Variants in SKAP2 observed in about 807,000 individuals in gnomAD.
SKAP2 encodes the protein src kinase-associated phosphoprotein 2.
Under a neutral mutation model 54.9 loss-of-function variants are expected in SKAP2, and 28 were observed. The ratio of observed to expected loss-of-function variants is 0.51; its 90% confidence interval spans 0.38 to 0.70. The LOEUF (loss-of-function observed/expected upper bound fraction) is 0.70. Among genes scored for constraint, SKAP2 ranks in the 30% least tolerant of loss-of-function variants. SKAP2 has a pLI of 0.00. For missense variants in SKAP2, 356 were observed against 424.1 expected, an observed-to-expected ratio of 0.84 and a Z score of 1.41; for synonymous variants, 137 against 134.3, an observed-to-expected ratio of 1.02 and a Z score of -0.14.
intron 11 of SKAP2, among the ~76,000 whole-genome samples, chr7:26,673,676 CAGTAATCCGAGAAAATAAT>C (rs1786289091): frequency 6.6e-6 from 1 of 152,022 alleles, no homozygotes; most frequent in African/African-American, 2.4e-5. Flanking sequence ...CAAACTTGCC[CAGTAATCCGAGAAAATAAT>C]AGTAAGGCGG....
intron 4 of SKAP2, among the ~76,000 whole-genome samples, chr7:26,797,610 C>T (rs1480807682): frequency 6.6e-6 from 1 of 151,978 alleles, no homozygotes; most frequent in Non-Finnish European, 1.5e-5. Flanking sequence ...CAACAAATGG[C>T]CAGATACTGA....
At chr7:26,850,248 A>T (rs997024558) in intron 3 of SKAP2, among the ~76,000 whole-genome samples, 3 of 152,170 alleles carry the variant, frequency 2.0e-5, no homozygotes, top group Non-Finnish European at 4.4e-5. Context: ...TTATAATATG[A>T]GGCAATATTG....
chr7:26,847,912 A>C (rs1022440502), intron 3 of SKAP2: 5 of 152,214 alleles, frequency 3.3e-5, no homozygotes, highest in African/African-American at 1.2e-4. Flanking sequence ...TCCCTAGAAA[A>C]GCATTTGATT....
In SKAP2 at chr7:26,797,714, T is replaced by C. The variant is rs893496665; in HGVS notation, c.307+46316A>G. Among the ~76,000 whole-genome samples the C allele has an allele frequency of 2.6e-5, 4 of 152,150 alleles. No individual in the cohort carries two copies. The East Asian group carries it at 7.7e-4, about 29-fold the overall frequency. ...AGGGACCAATCCTGGAGAAACACAG[T>C]TATGTGACCTTTCAGACAGAAAATT... is the stretch of plus-strand genomic sequence containing the variant. On this transcript the variant is annotated intron_variant, in intron 4 of 12. Coordinates refer to ENST00000345317, the MANE Select transcript of SKAP2 (RefSeq NM_003930.5).
At chr7:26,843,658 A>C (rs139571649) in intron 4 of SKAP2, among the ~76,000 whole-genome samples, 186 of 152,094 alleles carry the variant, frequency 1.2e-3, no homozygotes, top group Admixed American at 3.5e-3. Context: ...TCAGAAAAAA[A>C]TAGATCAAAA....
At chr7:26,795,156 G>C (rs546069784) in intron 4 of SKAP2, among the ~76,000 whole-genome samples, 4 of 152,302 alleles carry the variant, frequency 2.6e-5, no homozygotes, top group African/African-American at 9.6e-5. Flanking sequence ...TTGCTACACA[G>C]TATTTGCTTC....
chr7:26,820,325 A>C (rs1054517949), intron 4 of SKAP2, among the ~76,000 whole-genome samples: 1 of 152,226 alleles, frequency 6.6e-6, no homozygotes, highest in Non-Finnish European at 1.5e-5. Context: ...ATTTAAAATG[A>C]AGCTTTATTT....
intron 4 of SKAP2, among the ~76,000 whole-genome samples, chr7:26,838,967 C>G (rs573464414): frequency 6.6e-6 from 1 of 152,182 alleles, no homozygotes; most frequent in Non-Finnish European, 1.5e-5. Context: ...GTATCTTGTT[C>G]TCCTCTTCAT....
intron 9 of SKAP2, among the ~76,000 whole-genome samples, chr7:26,702,084 C>T (rs112296538): frequency 6.6e-6 from 1 of 152,088 alleles, no homozygotes; most frequent in Non-Finnish European, 1.5e-5. Context: ...TATCAGTTTC[C>T]TTATTTATTT....
chr7:26,811,328 T>C (rs1450138178), intron 4 of SKAP2, among the ~76,000 whole-genome samples: 1 of 152,188 alleles, frequency 6.6e-6, no homozygotes, highest in African/African-American at 2.4e-5. Context: ...TATTCTGATA[T>C]ATTTCTCTAT....
At chr7:26,699,304 A>C (rs1004945188) in intron 9 of SKAP2, among the ~76,000 whole-genome samples, 2 of 152,204 alleles carry the variant, frequency 1.3e-5, no homozygotes, top group Non-Finnish European at 2.9e-5. Context: ...GTACTTAAAC[A>C]ATATATCACA....
intron 4 of SKAP2, among the ~76,000 whole-genome samples, chr7:26,813,020 C>T (rs1026018895): frequency 3.9e-5 from 6 of 152,052 alleles, no homozygotes; most frequent in Non-Finnish European, 8.8e-5. Context: ...TCTATACTCA[C>T]GCTGTATTCA....
At chr7:26,769,173 A>C (rs1317329254) in intron 4 of SKAP2, among the ~76,000 whole-genome samples, 3 of 151,746 alleles carry the variant, frequency 2.0e-5, no homozygotes, top group Non-Finnish European at 4.4e-5. Flanking sequence ...TTTTTCTCTA[A>C]TCTTGTCTTC....
At chr7:26,864,266 G>T in intron 1 of SKAP2, 97 bp downstream of exon 1, 1 of 1,443,782 alleles carries the variant, frequency 6.9e-7, no homozygotes, top group Non-Finnish European at 9.7e-7. Context: ...GAAGCGCGGG[G>T]AGGGAGGATA....
intron 9 of SKAP2, among the ~76,000 whole-genome samples, chr7:26,701,981 G>T (rs1273255429): frequency 4.3e-4 from 66 of 151,802 alleles, no homozygotes; most frequent in Admixed American, 4.3e-3. Flanking sequence ...AATGTGTGTG[G>T]GTAATGGGCA....
At chr7:26,843,483 T>A (rs1784858942) in intron 4 of SKAP2, among the ~76,000 whole-genome samples, 1 of 151,996 alleles carries the variant, frequency 6.6e-6, no homozygotes, top group Admixed American at 6.6e-5. Flanking sequence ...ATTCAGTTAA[T>A]ACAAACACTG....
chr7:26,688,197 C>G (rs1786691595), intron 10 of SKAP2, among the ~76,000 whole-genome samples: 1 of 151,930 alleles, frequency 6.6e-6, no homozygotes, highest in Non-Finnish European at 1.5e-5. Flanking sequence ...GAGAATCTCT[C>G]CTTTGGTGTT....
Position 26,748,851 on chromosome 7 carries a change from G to A in SKAP2, c.308-8887C>T, listed in dbSNP as rs547670443. On this transcript the variant is annotated intron_variant, in intron 4 of 12. Transcript: ENST00000345317. Reference sequence around the variant, plus strand: ...AACTGATACTGCATTTTAGAATCACGTTCAAAACCCTGGATTTACATTCAG... The same window carrying A: ...AACTGATACTGCATTTTAGAATCACATTCAAAACCCTGGATTTACATTCAG... Among the ~76,000 whole-genome samples, 18 of 152,102 alleles carry A rather than the reference G, an allele frequency of 1.2e-4. No homozygotes were observed. The East Asian group carries it at 3.3e-3, about 28-fold the overall frequency.
rs538595526 is a variant in SKAP2 at position 26,782,475 on chromosome 7, T to TC, written c.308-42512dup. On this transcript the variant is annotated intron_variant, in intron 4 of 12. Coordinates refer to ENST00000345317, the MANE Select transcript of SKAP2 (RefSeq NM_003930.5). ...CATGCTGCTATGGTCTAAATATGTG[T>TC]CCCCCCCAAATTCATATATTAAAAC... 1.3e-3 allele frequency among the ~76,000 whole-genome samples: 193 copies of TC among 151,956 alleles called. 1 individual carries two copies. The highest frequency in any genetic ancestry group is 3.3e-3 in the South Asian group (16 of 4,808).
Sources: allele counts gnomAD v4.1 joint callset (sites outside exome capture counted in the v4.1 genomes callset), GRCh38; gene constraint gnomAD v4.1.1; transcripts MANE v1.5; gene names NCBI Gene and HGNC (gene_info 2026-07-23, HGNC 2026-07-21).